Variants in TENM1 observed in about 807,000 individuals in gnomAD.
TENM1 encodes teneurin transmembrane protein 1, also known as teneurin-1.
In TENM1, 35 loss-of-function variants were observed where a neutral mutation model predicts 174.8. The ratio of observed to expected loss-of-function variants is 0.20; its 90% CI spans 0.15 to 0.27. The LOEUF (loss-of-function observed/expected upper bound fraction) is 0.27, where lower values mean the gene tolerates loss of function less well. Ranked by LOEUF, TENM1 falls within the 10% of genes least tolerant of loss-of-function variation. The pLI is 1.00. For missense variants in TENM1, 1,633 were observed against 2,130.1 expected (o/e 0.77, Z 4.59); for synonymous variants, 781 against 798.7 (o/e 0.98, Z 0.37).
the TENM1 span, among the ~76,000 whole-genome samples, chrX:124,986,910 G>A: frequency 1.2e-4 from 13 of 111,745 alleles, no homozygotes; most frequent in African/African-American, 3.9e-4. Context: ...CCAAAGTGCT[G>A]GGATTACAGG....
chrX:124,915,530 GAAAAA>G (rs1051280656), intron 1 of TENM1, among the ~76,000 whole-genome samples: 2 of 112,191 alleles, frequency 1.8e-5, no homozygotes, highest in Non-Finnish European at 3.8e-5. Flanking sequence ...GTCTCAAAAA[GAAAAA>G]AAGTAAATTC....
chrX:124,752,924 C>T (rs1391842289), intron 3 of TENM1, among the ~76,000 whole-genome samples: 1 of 110,853 alleles, frequency 9.0e-6, no homozygotes, highest in African/African-American at 3.3e-5. Flanking sequence ...AGTCAGGTAG[C>T]ATGATGCCTC....
chrX:125,099,896 C>A, the TENM1 span, among the ~76,000 whole-genome samples: 1 of 111,473 alleles, frequency 9.0e-6, no homozygotes, highest in Non-Finnish European at 1.9e-5. Flanking sequence ...TACTATATAT[C>A]AATATTTATG....
chrX:124,519,279 C>T lies in TENM1; in HGVS notation c.3301+1238G>A, dbSNP rs547929925. On this transcript the variant is annotated intron_variant, in intron 18 of 31. Coordinates refer to ENST00000422452, the Ensembl canonical transcript of TENM1. The stretch of plus-strand genomic sequence containing the variant: ...TTTTTGTGTGTCTTTACAATAATTT[C>T]CCATTTACTGAGGTAATATGAACCT... 2.7e-5 allele frequency among the ~76,000 whole-genome samples: 3 copies of T among 111,391 alleles called. No individual in the cohort carries two copies. In the South Asian group the frequency reaches 1.2e-3, roughly 43 times the overall value.
chrX:124,930,389 A>T (rs111907085), intron 1 of TENM1, among the ~76,000 whole-genome samples: 19 of 111,691 alleles, frequency 1.7e-4, no homozygotes, highest in African/African-American at 5.5e-4. Flanking sequence ...GTCCCTGAGG[A>T]CACTCATGAT....
At chrX:124,962,347 C>T (rs370062839) in intron 1 of TENM1, among the ~76,000 whole-genome samples, 6 of 111,233 alleles carry the variant, frequency 5.4e-5, no homozygotes, top group East Asian at 5.7e-4. Context: ...TTTGTTAAAC[C>T]ACAAATGGGT....
At chrX:124,498,390 T>C (rs1022975785) in intron 19 of TENM1, among the ~76,000 whole-genome samples, 2 of 110,910 alleles carry the variant, frequency 1.8e-5, no homozygotes, top group African/African-American at 3.3e-5. Flanking sequence ...TGTGGTTTAA[T>C]ACCTTTCAAT....
the TENM1 span, among the ~76,000 whole-genome samples, chrX:125,139,285 A>G: frequency 9.0e-6 from 1 of 111,469 alleles, no homozygotes; most frequent in Non-Finnish European, 1.9e-5. Flanking sequence ...AGTTTGCTGT[A>G]GATAGAGTGG....
At chrX:125,079,554 T>C in the TENM1 span, among the ~76,000 whole-genome samples, 1 of 111,863 alleles carries the variant, frequency 8.9e-6, no homozygotes, top group Admixed American at 9.5e-5. Flanking sequence ...TTTTTCATCT[T>C]TCCCAAATTT....
intron 15 of TENM1, among the ~76,000 whole-genome samples, chrX:124,530,581 AT>A (rs1185759484): frequency 9.0e-6 from 1 of 111,534 alleles, no homozygotes; most frequent in African/African-American, 3.3e-5. Flanking sequence ...CATATATAGT[AT>A]GAATATTTTT....
At chrX:124,983,349 C>T in the TENM1 span, among the ~76,000 whole-genome samples, 1 of 111,847 alleles carries the variant, frequency 8.9e-6, no homozygotes, top group Non-Finnish European at 1.9e-5. Flanking sequence ...TCCTCTTCTT[C>T]CTATTGTTGG....
chrX:124,380,400 C>T, exon 32 of TENM1: 1 of 515,712 alleles, frequency 1.9e-6, no homozygotes, highest in Non-Finnish European at 3.0e-6. Context: ...TCTTCCGTCA[C>T]ATTGAAAGGC....
intron 11 of TENM1, among the ~76,000 whole-genome samples, chrX:124,591,245 G>A (rs1469286186): frequency 9.0e-6 from 1 of 111,411 alleles, no homozygotes. Context: ...GGTAAATATT[G>A]ACATGTGAGG....
chrX:125,116,224 A>G, the TENM1 span, among the ~76,000 whole-genome samples: 1 of 112,288 alleles, frequency 8.9e-6, no homozygotes, highest in Admixed American at 9.5e-5. Flanking sequence ...TACACCTTAT[A>G]CAAAAATTAA....
the TENM1 span, among the ~76,000 whole-genome samples, chrX:125,203,420 G>A: frequency 8.3e-4 from 93 of 112,423 alleles, 1 homozygote; most frequent in African/African-American, 3.0e-3. Flanking sequence ...GGCTCTGCGC[G>A]AGAGCCGAGG....
At chrX:125,005,409 G>T in the TENM1 span, among the ~76,000 whole-genome samples, 209 of 56,778 alleles carry the variant, frequency 3.7e-3, no homozygotes, top group Middle Eastern at 0.023. Flanking sequence ...TGACTTGGTT[G>T]TGTGTGTGTG....
At chrX:125,157,373 T>C in the TENM1 span, among the ~76,000 whole-genome samples, 2 of 112,289 alleles carry the variant, frequency 1.8e-5, no homozygotes, top group African/African-American at 6.5e-5. Flanking sequence ...ATATGCAATA[T>C]AGCTTGAAAA....
chrX:124,696,263 T>C (rs1477309335), intron 5 of TENM1, among the ~76,000 whole-genome samples: 1 of 111,870 alleles, frequency 8.9e-6, no homozygotes, highest in Non-Finnish European at 1.9e-5. Flanking sequence ...GGTTCAAAAG[T>C]CATCTGATTC....
At chrX:125,171,671 C>G in the TENM1 span, among the ~76,000 whole-genome samples, 1 of 111,604 alleles carries the variant, frequency 9.0e-6, no homozygotes, top group African/African-American at 3.3e-5. Context: ...AAAGCTGGCT[C>G]TTTATGAACC....
Sources: gnomAD v4.1 joint callset for allele counts (sites outside exome capture counted in the v4.1 genomes callset) on GRCh38, gnomAD v4.1.1 for gene constraint, MANE v1.5 for transcripts, NCBI Gene and HGNC (gene_info 2026-07-23, HGNC 2026-07-21) for gene names.